Variants in WASHC5 observed in about 807,000 individuals in gnomAD.
The protein encoded by WASHC5 is WASH complex subunit strumpellin.
In WASHC5, 101 loss-of-function variants were observed where a neutral mutation model predicts 150.4. The ratio of observed to expected loss-of-function variants is 0.67; its 90% CI spans 0.57 to 0.79. The LOEUF (loss-of-function observed/expected upper bound fraction) is 0.79, where lower values mean the gene tolerates loss of function less well. Among genes scored for constraint, WASHC5 ranks in the 30% least tolerant of loss-of-function variants. The pLI is 0.00. For missense variants in WASHC5, 1,195 were observed against 1,396.3 expected (o/e 0.86, Z 2.30); for synonymous variants, 467 against 491.2 (o/e 0.95, Z 0.65).
intron 10 of WASHC5, among the ~76,000 whole-genome samples, chr8:125,065,156 T>C (rs968188745): frequency 2.6e-5 from 4 of 152,168 alleles, no homozygotes; most frequent in Non-Finnish European, 5.9e-5. Context: ...TGCTGTCATA[T>C]AAAGATTAGA....
At chr8:125,054,395 T>G (rs532992438) in intron 17 of WASHC5, among the ~76,000 whole-genome samples, 1 of 152,240 alleles carries the variant, frequency 6.6e-6, no homozygotes, top group East Asian at 1.9e-4. Flanking sequence ...ATAAGAATAC[T>G]TGCATATGTA....
chr8:125,079,072 T>C, intron 5 of WASHC5, 142 bp from the exon 6 acceptor site: 1 of 553,524 alleles, frequency 1.8e-6, no homozygotes, highest in South Asian at 2.0e-5. Context: ...CCTCAATATA[T>C]CCTCAAGATT....
Position 125,056,678 on chromosome 8 carries a change from T to A in WASHC5, c.2015A>T (p.Glu672Val). 6.2e-7 allele frequency: 1 copy of A among 1,614,086 alleles called. No homozygotes were observed. The highest frequency in any genetic ancestry group is 8.5e-7 in the Non-Finnish European group (1 of 1,179,962). Reference protein sequence around the residue: ...RDYAQLGPRYEVAKLTHAISI... With the variant: ...RDYAQLGPRYVVAKLTHAISI... ...GCAGAAGTCAGAGGGACACAGCACCTCGTATCGTGGGCCTAGCTGAGCATA... is the reference window on the plus strand; with the variant it reads ...GCAGAAGTCAGAGGGACACAGCACCACGTATCGTGGGCCTAGCTGAGCATA... Residue 672 changes from glutamate (E) to valine (V), a missense_variant and splice_region_variant, in exon 16 of 29, where the codon GAG becomes GTG. Glu to Val is a moderately radical substitution (Grantham distance 121). This residue lies in a region of WASHC5 where 997 missense variants were observed against 1,168.1 expected (regional missense o/e 0.85). Transcript: ENST00000318410.
chr8:125,032,839 TAC>T (rs1454221821), intron 26 of WASHC5: 4 of 191,032 alleles, frequency 2.1e-5, no homozygotes, highest in African/African-American at 9.9e-5. Context: ...GTAATATATA[TAC>T]ATAAAGAATC....
Position 125,056,818 on chromosome 8 carries a change from C to T in WASHC5, c.1876-1G>A. 1 of 1,614,096 alleles carries T rather than the reference C, an allele frequency of 6.2e-7. No homozygotes were observed. Among genetic ancestry groups the T allele is most frequent in the African/African-American group, 1.3e-5 (1 of 75,012 alleles). ...TGCTTTCTGGGATGATCTGCAAAAC[C>T]TTCAGTGAAAAGGAAAGCAGGAAAC... On this transcript the variant is annotated splice_acceptor_variant, in intron 15 of 28. Coordinates refer to ENST00000318410, the MANE Select transcript of WASHC5 (RefSeq NM_014846.4). LOFTEE classifies it high-confidence loss of function.
At chr8:125,066,317 C>T (rs529230278) in intron 10 of WASHC5, among the ~76,000 whole-genome samples, 2 of 152,214 alleles carry the variant, frequency 1.3e-5, no homozygotes, top group Non-Finnish European at 2.9e-5. Context: ...AATATAGTAT[C>T]CTCAGAAACC....
intron 16 of WASHC5, among the ~76,000 whole-genome samples, chr8:125,056,362 GAA>G (rs1198771860): frequency 1.3e-5 from 2 of 152,300 alleles, no homozygotes; most frequent in African/African-American, 4.8e-5. Flanking sequence ...ACATGAATAT[GAA>G]AAGTCAGGTC....
At chr8:125,034,034 C>A (rs191444501) in intron 26 of WASHC5, among the ~76,000 whole-genome samples, 7 of 144,976 alleles carry the variant, frequency 4.8e-5, no homozygotes, top group African/African-American at 1.9e-4. Flanking sequence ...TACATAACTA[C>A]TACAACTCTG....
rs80070300 is a variant in WASHC5 at position 125,085,088 on chromosome 8, A to T, written c.-124-1066T>A. On this transcript the variant is annotated intron_variant, in intron 1 of 28. Coordinates refer to ENST00000318410, the MANE Select transcript of WASHC5 (RefSeq NM_014846.4). ...GGAGTGCATAAATAATACTAGGGTT[A>T]CAAGAGGTGATGTCTGTCCTCTCTA... 1.4e-4 allele frequency among the ~76,000 whole-genome samples: 22 copies of T among 152,360 alleles called. No individual in the cohort carries two copies. In the East Asian group the frequency reaches 4.2e-3, roughly 29 times the overall value.
chr8:125,040,328 C>T lies in WASHC5; in HGVS notation c.2851-430G>A, dbSNP rs139851921. Among the ~76,000 whole-genome samples the T allele has an allele frequency of 2.0e-4, 31 of 152,304 alleles. No individual in the cohort carries two copies. The East Asian group carries it at 4.4e-3, about 22-fold the overall frequency. ...CAAGCTCTAGGAATGCCATTTCACA[C>T]TAGTATTCTCAAATTGGGTGAATAT... On this transcript the variant is annotated intron_variant, in intron 23 of 28. Transcript: ENST00000318410.
chr8:125,028,920 C>T (rs151200204), intron 27 of WASHC5, among the ~76,000 whole-genome samples: 88 of 152,274 alleles, frequency 5.8e-4, no homozygotes, highest in African/African-American at 2.0e-3. Flanking sequence ...CTTCTCTATA[C>T]GGTTTCCATG....
At chr8:125,035,020 A>G (rs1347947081) in intron 26 of WASHC5, among the ~76,000 whole-genome samples, 2 of 152,162 alleles carry the variant, frequency 1.3e-5, no homozygotes, top group African/African-American at 2.4e-5. Context: ...AATAATCAAG[A>G]CATTATTGGC....
Position 125,077,274 on chromosome 8 carries a change from G to A in WASHC5, c.712-774C>T, listed in dbSNP as rs573871868. 3.9e-5 allele frequency among the ~76,000 whole-genome samples: 6 copies of A among 152,372 alleles called. No homozygotes were observed. In the South Asian group the frequency reaches 1.2e-3, roughly 32 times the overall value. On this transcript the variant is annotated intron_variant, in intron 6 of 28. Transcript: ENST00000318410. ...CAGGAAGCGGCTGGGGCTGGGAACC[G>A]GAATGCCTTCGCTCTTTCTCCCCTT...
At chr8:125,080,480 C>T (rs1361958500) in intron 5 of WASHC5, among the ~76,000 whole-genome samples, 1 of 151,216 alleles carries the variant, frequency 6.6e-6, no homozygotes, top group East Asian at 1.9e-4. Context: ...CTGCTGAGGA[C>T]ACAGTAGTAC....
intron 27 of WASHC5, among the ~76,000 whole-genome samples, chr8:125,029,454 T>G (rs1255707966): frequency 6.6e-6 from 1 of 152,212 alleles, no homozygotes; most frequent in African/African-American, 2.4e-5. Flanking sequence ...TCTCCAAGCC[T>G]CTTAATTTTT....
In WASHC5 at chr8:125,024,765, G is replaced by A; in HGVS notation, c.3424-92C>T. ...AAAAGAAAAGATATCCTTGGAGCAA[G>A]GTGAATAATAGAAGAGGAGACTCCC... On this transcript the variant is annotated intron_variant, in intron 28 of 28. Coordinates refer to ENST00000318410, the MANE Select transcript of WASHC5 (RefSeq NM_014846.4). 3.4e-6 allele frequency: 3 copies of A among 874,842 alleles called. No homozygotes were observed. The Admixed American group carries it at 5.7e-5, about 16-fold the overall frequency. 54.2% of individuals were successfully genotyped at this position (874,842 alleles called of 1,614,324 possible). A position where few individuals can be genotyped will look rare whatever the true frequency, so the allele number is the denominator to read the frequency against.
chr8:125,054,598 C>A (rs1816347056), intron 17 of WASHC5, among the ~76,000 whole-genome samples: 2 of 152,082 alleles, frequency 1.3e-5, no homozygotes, highest in African/African-American at 4.8e-5. Flanking sequence ...CTTTGGGAGG[C>A]CGAGGCGGGC....
At chr8:125,032,490 A>G in intron 26 of WASHC5, 96 bp from the exon 27 acceptor site, 1 of 1,339,028 alleles carries the variant, frequency 7.5e-7, no homozygotes, top group Non-Finnish European at 1.1e-6. Context: ...TTTGGGGCCC[A>G]TATTCTCGCT....
In WASHC5 at chr8:125,063,657, G is replaced by C. The variant is rs1816667277; in HGVS notation, c.1279-6C>G. 1 of 1,612,846 alleles carries C rather than the reference G, an allele frequency of 6.2e-7. No individual in the cohort carries two copies. Among genetic ancestry groups the C allele is most frequent in the African/African-American group, 1.3e-5 (1 of 74,880 alleles). Reference sequence around the variant, plus strand: ...GAAAGCATTTGCTTGAACATCTGTTGAAGCAACAGAAAATATTTATTTACT... The same window carrying C: ...GAAAGCATTTGCTTGAACATCTGTTCAAGCAACAGAAAATATTTATTTACT... On this transcript the variant is annotated splice_polypyrimidine_tract_variant and splice_region_variant and intron_variant, in intron 10 of 28. Transcript: ENST00000318410.
Sources: gnomAD v4.1 joint callset for allele counts (sites outside exome capture counted in the v4.1 genomes callset) on GRCh38, gnomAD v4.1.1 for gene constraint, gnomAD v4.1.1 regional missense constraint, MANE v1.5 for transcripts, NCBI Gene and HGNC (gene_info 2026-07-23, HGNC 2026-07-21) for gene names.